HSD17B2: variants seen among roughly 807,000 people sequenced by gnomAD.
HSD17B2 encodes hydroxysteroid 17-beta dehydrogenase 2, also known as 17-beta-hydroxysteroid dehydrogenase type 2.
In HSD17B2, 32 loss-of-function variants were observed where a neutral mutation model predicts 26.9. The ratio of observed to expected loss-of-function variants is 1.19; its 90% CI spans 0.90 to 1.60. HSD17B2 has a LOEUF of 1.60. Ranked by LOEUF, HSD17B2 falls within the 40% of genes most tolerant of loss-of-function variation. The probability of loss-of-function intolerance (pLI) is 0.00; values close to 1 mark genes in which losing one functional copy is unlikely to be tolerated. For synonymous variants in HSD17B2, 246 were observed against 186.7 expected, an observed-to-expected ratio of 1.32 and a Z score of -2.59; for missense variants, 613 against 468.6, an observed-to-expected ratio of 1.31 and a Z score of -2.85.
At chr16:82,060,870 G>C (rs991016149) in intron 1 of HSD17B2, among the ~76,000 whole-genome samples, 1 of 152,192 alleles carries the variant, frequency 6.6e-6, no homozygotes, top group Non-Finnish European at 1.5e-5. Flanking sequence ...AAAGCAGTGA[G>C]GACCTTCTGA....
At chr16:82,091,968 T>C (rs1183476010) in intron 4 of HSD17B2, 1 of 152,168 alleles carries the variant, frequency 6.6e-6, no homozygotes, top group Admixed American at 6.5e-5. Flanking sequence ...CCTCCCTCAA[T>C]GGTAGAGTTG....
intron 1 of HSD17B2, among the ~76,000 whole-genome samples, chr16:82,050,132 C>A (rs942591382): frequency 5.3e-5 from 8 of 152,338 alleles, no homozygotes; most frequent in Admixed American, 2.6e-4. Flanking sequence ...TAAACAATTT[C>A]TCTCTCCAAC....
intron 3 of HSD17B2, among the ~76,000 whole-genome samples, chr16:82,078,945 A>G (rs1349749236): frequency 6.6e-6 from 1 of 152,224 alleles, no homozygotes; most frequent in Non-Finnish European, 1.5e-5. Flanking sequence ...ACGAATGAAT[A>G]AGATGTACTA....
intron 4 of HSD17B2, chr16:82,097,284 G>GTGTATATATATATACACATATATA (rs1555534464): frequency 2.5e-5 from 3 of 118,376 alleles, no homozygotes; most frequent in Non-Finnish European, 3.9e-5. Context: ...GTGTATGTGT[G>GTGTATATATATATACACATATATA]TGTGTGTGTA....
chr16:82,068,483 T>A, intron 2 of HSD17B2, 101 bp downstream of exon 2: 1 of 967,526 alleles, frequency 1.0e-6, no homozygotes, highest in Non-Finnish European at 1.5e-6. Flanking sequence ...CTCTGGGCAC[T>A]GTTTGCCCTG....
intron 3 of HSD17B2, among the ~76,000 whole-genome samples, chr16:82,076,702 G>A (rs572541241): frequency 6.6e-6 from 1 of 152,256 alleles, no homozygotes; most frequent in South Asian, 2.1e-4. Flanking sequence ...AGCATCCCGA[G>A]TAGCTGGGAC....
At chr16:82,081,998 G>C (rs1306689889) in intron 3 of HSD17B2, among the ~76,000 whole-genome samples, 1 of 152,200 alleles carries the variant, frequency 6.6e-6, no homozygotes, top group African/African-American at 2.4e-5. Flanking sequence ...CGCAGGAACA[G>C]AAAACCAAAT....
At chr16:82,040,311 G>A (rs1350952743) in intron 1 of HSD17B2, among the ~76,000 whole-genome samples, 1 of 152,206 alleles carries the variant, frequency 6.6e-6, no homozygotes, top group Non-Finnish European at 1.5e-5. Context: ...AGATTATTAA[G>A]ATGGATAAAC....
At chr16:82,097,258 GTCTATGTC>G (rs1904870833) in intron 4 of HSD17B2, 4 of 144,180 alleles carry the variant, frequency 2.8e-5, no homozygotes, top group African/African-American at 1.0e-4. Context: ...CTATGTCTAT[GTCTATGTC>G]TATGTGTGTG....
intron 3 of HSD17B2, among the ~76,000 whole-genome samples, chr16:82,090,508 G>A (rs8191218): frequency 6.6e-5 from 10 of 151,712 alleles, no homozygotes; most frequent in Non-Finnish European, 1.2e-4. Flanking sequence ...TAGTAGAGAC[G>A]GAGCTTCACC....
intron 1 of HSD17B2, among the ~76,000 whole-genome samples, chr16:82,046,421 T>C (rs1332451384): frequency 2.0e-5 from 3 of 152,046 alleles, no homozygotes; most frequent in African/African-American, 7.2e-5. Flanking sequence ...CCTTATAAGA[T>C]AATTTAAAAA....
chr16:82,074,263 C>G (rs1322661807), intron 3 of HSD17B2, among the ~76,000 whole-genome samples: 2 of 152,094 alleles, frequency 1.3e-5, no homozygotes, highest in African/African-American at 4.8e-5. Flanking sequence ...TTTCTCCCAC[C>G]CACTCACCAA....
At chr16:82,039,396 G>T (rs1913710257) in intron 1 of HSD17B2, among the ~76,000 whole-genome samples, 1 of 151,496 alleles carries the variant, frequency 6.6e-6, no homozygotes, top group Admixed American at 6.6e-5. Context: ...GGTGGTGAGG[G>T]GAAAGCTTGA....
chr16:82,047,835 T>C (rs921777519), intron 1 of HSD17B2, among the ~76,000 whole-genome samples: 1 of 152,182 alleles, frequency 6.6e-6, no homozygotes, highest in African/African-American at 2.4e-5. Context: ...AGGGAGGCAC[T>C]ATGGCCCCAG....
chr16:82,058,610 C>T (rs1213304044), intron 1 of HSD17B2, among the ~76,000 whole-genome samples: 3 of 152,156 alleles, frequency 2.0e-5, no homozygotes, highest in African/African-American at 7.2e-5. Flanking sequence ...TCACCTACCC[C>T]ACCCATTCCC....
chr16:82,098,234 T>C lies in HSD17B2; in HGVS notation c.962T>C (p.Val321Ala). The change falls in exon 5 of 5, where the codon GTG becomes GCG. Residue 321 changes from valine to alanine, a missense_variant. Physicochemically the swap from Val to Ala is moderately conservative, Grantham distance 64. Coordinates refer to ENST00000199936, the MANE Select transcript of HSD17B2 (RefSeq NM_002153.3). ...NSLASKDFSP[V>A]LRDIQHAILA... is the part of the protein sequence containing the mutation. Reference sequence around the variant, plus strand: ...TTAGCCAGCAAGGACTTCTCTCCGGTGCTGCGGGACATCCAGCATGCTATC... The same window carrying C: ...TTAGCCAGCAAGGACTTCTCTCCGGCGCTGCGGGACATCCAGCATGCTATC... 6.2e-7 allele frequency: 1 copy of C among 1,614,228 alleles called. No individual in the cohort carries two copies. Among genetic ancestry groups the C allele is most frequent in the Non-Finnish European group, 8.5e-7 (1 of 1,180,024 alleles).
At position 82,035,660 on chromosome 16, in the gene HSD17B2, C is replaced by T; in HGVS notation, c.236C>T (p.Pro79Leu). ...TACTTATCTGGCCAAGAATTGTTAC[C>T]TGTGGATCAGAAGGCAGTCCTGGTG... ...YTYLSGQELL[P>L]VDQKAVLVTG... The change falls in exon 1 of 5, where the codon CCT becomes CTT. Residue 79 changes from proline to leucine, a missense_variant. Coordinates refer to ENST00000199936, the MANE Select transcript of HSD17B2 (RefSeq NM_002153.3). 1 of 1,613,926 alleles carries T rather than the reference C, an allele frequency of 6.2e-7. No individual in the cohort carries two copies. Among genetic ancestry groups the T allele is most frequent in the Non-Finnish European group, 8.5e-7 (1 of 1,180,002 alleles).
At chr16:82,089,532 A>G (rs886408939) in intron 3 of HSD17B2, among the ~76,000 whole-genome samples, 1 of 152,070 alleles carries the variant, frequency 6.6e-6, no homozygotes, top group African/African-American at 2.4e-5. Context: ...ATGCACCTCA[A>G]TTCATATTCT....
chr16:82,088,525 T>A (rs993147168), intron 3 of HSD17B2, among the ~76,000 whole-genome samples: 6 of 152,200 alleles, frequency 3.9e-5, no homozygotes, highest in African/African-American at 1.4e-4. Context: ...TCTGCTAACC[T>A]GTTTGTCTTC....
Sources: allele counts gnomAD v4.1 joint callset (sites outside exome capture counted in the v4.1 genomes callset), GRCh38; gene constraint gnomAD v4.1.1; transcripts MANE v1.5; gene names NCBI Gene and HGNC (gene_info 2026-07-23, HGNC 2026-07-21).